The following WDR27 variants were observed in gnomAD, a reference collection of about 807,000 sequenced individuals.
The protein encoded by WDR27 is WD repeat-containing protein 27.
Under a neutral mutation model 114.4 loss-of-function variants are expected in WDR27, and 100 were observed. That is an observed-to-expected ratio of 0.87 (90% CI 0.74 to 1.03). WDR27 has a LOEUF of 1.03. Ranked by LOEUF, WDR27 falls within the 50% of genes least tolerant of loss-of-function variation. The pLI, the probability that WDR27 is intolerant of heterozygous loss-of-function variation, is 0.00. For missense variants in WDR27, 1,129 were observed against 1,092.9 expected (o/e 1.03, Z -0.47); for synonymous variants, 449 against 423.1 (o/e 1.06, Z -0.75).
intron 23 of WDR27, among the ~76,000 whole-genome samples, chr6:169,590,136 G>A (rs1032404262): frequency 6.6e-6 from 1 of 152,198 alleles, no homozygotes; most frequent in African/African-American, 2.4e-5. Flanking sequence ...CAACTATTTT[G>A]TAACTCTGTT....
the WDR27 span, among the ~76,000 whole-genome samples, chr6:169,437,875 G>A: frequency 2.0e-5 from 3 of 152,018 alleles, no homozygotes; most frequent in Non-Finnish European, 4.4e-5. Flanking sequence ...GGTAACATGA[G>A]ACTGTATTCT....
chr6:169,629,805 T>G (rs546615343), intron 21 of WDR27, among the ~76,000 whole-genome samples: 1 of 151,324 alleles, frequency 6.6e-6, no homozygotes, highest in East Asian at 2.0e-4. Flanking sequence ...CCCACGACTC[T>G]AATCCCAGCT....
intron 23 of WDR27, among the ~76,000 whole-genome samples, chr6:169,583,310 A>G (rs1803842296): frequency 6.6e-6 from 1 of 151,210 alleles, no homozygotes; most frequent in Admixed American, 6.6e-5. Flanking sequence ...GGAAAAAAAA[A>G]AAAAAAAAAG....
chr6:169,561,292 C>T (rs1799640650), intron 25 of WDR27, among the ~76,000 whole-genome samples: 1 of 152,126 alleles, frequency 6.6e-6, no homozygotes, highest in Non-Finnish European at 1.5e-5. Context: ...GCTCTTCCCT[C>T]ATGACCTCAT....
At chr6:169,519,490 T>C (rs1010595734) in intron 25 of WDR27, among the ~76,000 whole-genome samples, 1 of 152,016 alleles carries the variant, frequency 6.6e-6, no homozygotes, top group African/African-American at 2.4e-5. Flanking sequence ...GCTGGCACAT[T>C]ATGTGGCAGA....
chr6:169,696,560 CA>C (rs1250842936), intron 1 of WDR27, among the ~76,000 whole-genome samples: 3 of 152,202 alleles, frequency 2.0e-5, no homozygotes, highest in Non-Finnish European at 4.4e-5. Flanking sequence ...AGGAGAAAGA[CA>C]ATCCGAAGAC....
intron 25 of WDR27, among the ~76,000 whole-genome samples, chr6:169,465,048 C>G (rs1041110051): frequency 6.6e-6 from 1 of 151,354 alleles, no homozygotes; most frequent in African/African-American, 2.4e-5. Flanking sequence ...CACCTGAGGT[C>G]AGGAGTTCAA....
intron 25 of WDR27, among the ~76,000 whole-genome samples, chr6:169,476,249 C>T (rs182666215): frequency 3.7e-4 from 57 of 152,314 alleles, no homozygotes; most frequent in African/African-American, 1.2e-3. Flanking sequence ...CCCCTCGTGG[C>T]TTGGATAGAA....
intron 25 of WDR27, among the ~76,000 whole-genome samples, chr6:169,491,900 G>A (rs1317672858): frequency 1.3e-5 from 2 of 152,018 alleles, no homozygotes; most frequent in Admixed American, 1.3e-4. Flanking sequence ...GCAAAATCAA[G>A]TAGGAAGAGA....
Position 169,644,966 on chromosome 6 carries a change from G to A in WDR27, c.1658-1180C>T, listed in dbSNP as rs1318700893. ...GGAGCTTGCAGTGAGCCGAGATCCCGCCACTGCACTCCAGCCTGAGTGACA... is the reference window on the plus strand; with the variant it reads ...GGAGCTTGCAGTGAGCCGAGATCCCACCACTGCACTCCAGCCTGAGTGACA... On this transcript the variant is annotated intron_variant, in intron 16 of 25. Coordinates refer to ENST00000448612, the MANE Select transcript of WDR27 (RefSeq NM_182552.5). 3.5e-5 allele frequency among the ~76,000 whole-genome samples: 3 copies of A among 86,238 alleles called. 1 individual carries two copies. The highest frequency in any genetic ancestry group is 6.0e-5 in the Non-Finnish European group (3 of 50,276). The allele number at this position is 86,238 out of a possible 152,430, so 56.6% of individuals were successfully genotyped here.
chr6:169,434,936 G>T, the WDR27 span, among the ~76,000 whole-genome samples: 1 of 152,224 alleles, frequency 6.6e-6, no homozygotes, highest in Non-Finnish European at 1.5e-5. Flanking sequence ...CTTCACAGCA[G>T]CCCCTTCTAT....
At chr6:169,692,447 G>C (rs1198336837) in intron 1 of WDR27, among the ~76,000 whole-genome samples, 1 of 152,058 alleles carries the variant, frequency 6.6e-6, no homozygotes, top group Non-Finnish European at 1.5e-5. Context: ...AGATGGGGAG[G>C]GGCAAGACCT....
chr6:169,545,692 C>A (rs1797371830), intron 25 of WDR27, among the ~76,000 whole-genome samples: 1 of 151,978 alleles, frequency 6.6e-6, no homozygotes, highest in African/African-American at 2.4e-5. Context: ...AAATAAAAAA[C>A]TTCTGCTCTG....
At chr6:169,563,464 T>G (rs888862537) in intron 25 of WDR27, among the ~76,000 whole-genome samples, 2 of 152,220 alleles carry the variant, frequency 1.3e-5, no homozygotes, top group Non-Finnish European at 2.9e-5. Flanking sequence ...GTGCCTGAAC[T>G]AACATCCGTG....
At position 169,531,769 on chromosome 6, in the gene WDR27, T is replaced by A. The variant is rs1044771873; in HGVS notation, c.2645+40650A>T. Among the ~76,000 whole-genome samples the A allele has an allele frequency of 6.6e-5, 10 of 151,836 alleles. No homozygotes were observed. In the East Asian group the frequency reaches 1.2e-3, roughly 18 times the overall value. On this transcript the variant is annotated intron_variant, in intron 25 of 25. Coordinates refer to ENST00000448612, the MANE Select transcript of WDR27 (RefSeq NM_182552.5). ...TCTGGTTTCAAGCGATTTTCCTGCC[T>A]CAGCCTCCCAAGTAGCTGGGATTAC... is the stretch of plus-strand genomic sequence containing the variant.
intron 7 of WDR27, 39 bp from the exon 8 acceptor site, chr6:169,664,325 A>C (rs777246877): frequency 1.9e-6 from 3 of 1,612,692 alleles, no homozygotes; most frequent in Non-Finnish European, 2.5e-6. Flanking sequence ...GCGCTGCAGC[A>C]AGGGTCCTGA....
chr6:169,589,511 G>A (rs577967533), intron 23 of WDR27, among the ~76,000 whole-genome samples: 2 of 152,180 alleles, frequency 1.3e-5, no homozygotes, highest in Non-Finnish European at 2.9e-5. Flanking sequence ...ACAGTGGCAG[G>A]AGGTGAGGTA....
chr6:169,662,891 C>G (rs1456957054), intron 8 of WDR27, among the ~76,000 whole-genome samples: 1 of 145,060 alleles, frequency 6.9e-6, no homozygotes, highest in Admixed American at 6.8e-5. Flanking sequence ...TCAAGGAAAG[C>G]ACTAAGGTAA....
At chr6:169,430,122 G>T in the WDR27 span, among the ~76,000 whole-genome samples, 4 of 152,190 alleles carry the variant, frequency 2.6e-5, no homozygotes, top group Admixed American at 2.6e-4. Flanking sequence ...TTGGCCCTAA[G>T]AGTGGCACAC....
Sources: allele counts gnomAD v4.1 joint callset (sites outside exome capture counted in the v4.1 genomes callset), GRCh38; gene constraint gnomAD v4.1.1; transcripts MANE v1.5; gene names NCBI Gene and HGNC (gene_info 2026-07-23, HGNC 2026-07-21).